Variants in PRAG1 observed in about 807,000 individuals in gnomAD.
PRAG1 encodes PEAK1 related, kinase-activating pseudokinase 1.
PRAG1 carries 110 observed loss-of-function variants against 95.6 expected under a neutral mutation model. That is an observed-to-expected ratio of 1.15 (90% confidence interval 0.99 to 1.35). PRAG1 has a LOEUF of 1.35. Among genes scored for constraint, PRAG1 ranks in the 40% most tolerant of loss-of-function variants. PRAG1 has a pLI of 0.00. For missense variants in PRAG1, 2,554 were observed against 1,864.7 expected, an observed-to-expected ratio of 1.37 and a Z score of -6.81; for synonymous variants, 1,052 against 819.4, an observed-to-expected ratio of 1.28 and a Z score of -4.85.
intron 4 of PRAG1, among the ~76,000 whole-genome samples, chr8:8,338,609 T>C (rs916231629): frequency 3.9e-5 from 6 of 151,906 alleles, no homozygotes; most frequent in Admixed American, 2.0e-4. Context: ...CTGTCAGAGG[T>C]TTCTCATCAG....
intron 3 of PRAG1, among the ~76,000 whole-genome samples, chr8:8,341,989 G>C (rs935881355): frequency 2.0e-5 from 3 of 151,958 alleles, no homozygotes; most frequent in Non-Finnish European, 2.9e-5. Context: ...AAATTAGCCA[G>C]GCATAGTGGC....
chr8:8,359,929 A>C (rs1399005666), intron 3 of PRAG1, among the ~76,000 whole-genome samples: 2 of 152,194 alleles, frequency 1.3e-5, no homozygotes, highest in African/African-American at 4.8e-5. Context: ...ATTGATCTTG[A>C]TATTTAACTT....
intron 5 of PRAG1, among the ~76,000 whole-genome samples, chr8:8,321,391 T>TG (rs932890770): frequency 1.3e-5 from 2 of 152,232 alleles, no homozygotes; most frequent in African/African-American, 4.8e-5. Context: ...GGCCTGCACT[T>TG]GGTTTTTAAA....
At chr8:8,379,280 G>A (rs1240508989) in intron 2 of PRAG1, among the ~76,000 whole-genome samples, 17 of 152,198 alleles carry the variant, frequency 1.1e-4, no homozygotes, top group Admixed American at 1.1e-3. Flanking sequence ...TGGACTCGTT[G>A]GGCTATGAGA....
At chr8:8,331,885 G>A (rs946817136) in intron 4 of PRAG1, among the ~76,000 whole-genome samples, 1 of 152,194 alleles carries the variant, frequency 6.6e-6, no homozygotes, top group Non-Finnish European at 1.5e-5. Flanking sequence ...GGGGTACTAG[G>A]TATTAGCAGA....
chr8:8,363,263 T>C (rs1191529796), intron 3 of PRAG1, among the ~76,000 whole-genome samples: 1 of 152,102 alleles, frequency 6.6e-6, no homozygotes, highest in Non-Finnish European at 1.5e-5. Flanking sequence ...AACTTTTTAA[T>C]TTTCACAACT....
intron 3 of PRAG1, among the ~76,000 whole-genome samples, chr8:8,361,252 TC>T (rs1799837003): frequency 6.6e-6 from 1 of 152,174 alleles, no homozygotes; most frequent in Non-Finnish European, 1.5e-5. Flanking sequence ...ATTCTGAATA[TC>T]CTTTTTACAT....
chr8:8,380,093 A>C (rs1800580797), intron 2 of PRAG1, among the ~76,000 whole-genome samples: 1 of 151,806 alleles, frequency 6.6e-6, no homozygotes, highest in Non-Finnish European at 1.5e-5. Flanking sequence ...TATCTCCACC[A>C]AAAAACAAAA....
intron 5 of PRAG1, among the ~76,000 whole-genome samples, chr8:8,323,396 C>G (rs1299333030): frequency 1.3e-5 from 2 of 150,948 alleles, no homozygotes; most frequent in African/African-American, 4.9e-5. Flanking sequence ...TGGCTCACTG[C>G]AATCTCCACC....
intron 3 of PRAG1, among the ~76,000 whole-genome samples, chr8:8,342,973 C>T (rs974595362): frequency 6.6e-6 from 1 of 151,970 alleles, no homozygotes; most frequent in Non-Finnish European, 1.5e-5. Flanking sequence ...AAAAAACAAA[C>T]CTTGGAGTGG....
chr8:8,333,297 T>C (rs1047987610), intron 4 of PRAG1, among the ~76,000 whole-genome samples: 1 of 152,208 alleles, frequency 6.6e-6, no homozygotes, highest in Non-Finnish European at 1.5e-5. Context: ...TTCCTTCGAA[T>C]TTCCAATTCT....
At chr8:8,353,440 C>A (rs953181025) in intron 3 of PRAG1, among the ~76,000 whole-genome samples, 4 of 151,910 alleles carry the variant, frequency 2.6e-5, no homozygotes, top group Non-Finnish European at 4.4e-5. Context: ...AATGAAACAA[C>A]ATGCTCCCAA....
intron 3 of PRAG1, among the ~76,000 whole-genome samples, chr8:8,361,126 C>T (rs371503902): frequency 4.6e-5 from 7 of 152,124 alleles, no homozygotes; most frequent in South Asian, 2.1e-4. Context: ...TTTCAGACTT[C>T]GGACCTCAGA....
chr8:8,385,928 TC>T (rs1800832455), intron 1 of PRAG1, among the ~76,000 whole-genome samples: 1 of 151,582 alleles, frequency 6.6e-6, no homozygotes, highest in South Asian at 2.1e-4. Context: ...GCCTTCCGTC[TC>T]TCCCCCTTGA....
At chr8:8,337,401 C>T (rs1488550377) in intron 4 of PRAG1, among the ~76,000 whole-genome samples, 1 of 152,164 alleles carries the variant, frequency 6.6e-6, no homozygotes, top group Non-Finnish European at 1.5e-5. Flanking sequence ...AAGGATTTCT[C>T]ATATTACATG....
intron 3 of PRAG1, among the ~76,000 whole-genome samples, chr8:8,349,680 A>G (rs1054974053): frequency 7.2e-5 from 11 of 152,050 alleles, no homozygotes; most frequent in Non-Finnish European, 1.2e-4. Context: ...GATAGGGCCA[A>G]TCTTCTCTGG....
intron 3 of PRAG1, among the ~76,000 whole-genome samples, chr8:8,366,355 C>A (rs1354118795): frequency 1.4e-5 from 2 of 146,382 alleles, no homozygotes; most frequent in Non-Finnish European, 3.0e-5. Context: ...CTCTTGTCAT[C>A]CAGGCTAGAG....
chr8:8,376,594 A>T lies in PRAG1; in HGVS notation c.1815T>A (p.Ala605=), dbSNP rs1238732104. 6.2e-7 allele frequency: 1 copy of T among 1,604,784 alleles called. No individual in the cohort carries two copies. Among genetic ancestry groups the T allele is most frequent in the Non-Finnish European group, 8.5e-7 (1 of 1,174,550 alleles). ...GGGGACACCTGGATGGGTCACTGAT[A>T]GCGACACCGTTGGTCCGGCAGGAAG... ...PAPSCRTNGV[A]ISDPSRCPQP... The change falls in exon 3 of 6, where the codon GCT becomes GCA. Residue 605 remains alanine (A), a synonymous_variant. Transcript: ENST00000615670.
intron 2 of PRAG1, among the ~76,000 whole-genome samples, chr8:8,378,521 T>A (rs576445533): frequency 2.6e-5 from 4 of 152,138 alleles, no homozygotes; most frequent in African/African-American, 7.2e-5. Flanking sequence ...CCAATCACAG[T>A]GCATGCCTGA....
Sources: allele counts gnomAD v4.1 joint callset (sites outside exome capture counted in the v4.1 genomes callset), GRCh38; gene constraint gnomAD v4.1.1; transcripts MANE v1.5; gene names NCBI Gene and HGNC (gene_info 2026-07-23, HGNC 2026-07-21).